CFAP299: variants seen among roughly 807,000 people sequenced by gnomAD.
The protein encoded by CFAP299 is cilia- and flagella-associated protein 299.
In CFAP299, 21 loss-of-function variants were observed where a neutral mutation model predicts 27.0. The observed-to-expected ratio is 0.78, with a 90% CI of 0.55 to 1.12. The LOEUF (loss-of-function observed/expected upper bound fraction) is 1.12, where lower values mean the gene tolerates loss of function less well. Ranked by LOEUF, CFAP299 falls within the 50% of genes most tolerant of loss-of-function variation. The pLI is 0.00. For synonymous variants in CFAP299, 104 were observed against 98.1 expected, an observed-to-expected ratio of 1.06 and a Z score of -0.36; for missense variants, 310 against 276.6, an observed-to-expected ratio of 1.12 and a Z score of -0.86.
At chr4:80,483,129 G>A (rs1449810849) in intron 2 of CFAP299, among the ~76,000 whole-genome samples, 3 of 152,204 alleles carry the variant, frequency 2.0e-5, no homozygotes, top group Admixed American at 6.5e-5. Context: ...GGTGGAGGAG[G>A]GGGGCAGAAA....
chr4:80,704,920 T>C (rs1191580923), intron 3 of CFAP299, among the ~76,000 whole-genome samples: 5 of 151,770 alleles, frequency 3.3e-5, no homozygotes, highest in Non-Finnish European at 5.9e-5. Flanking sequence ...ATTTCAGATA[T>C]GATAATAGAA....
At chr4:80,941,414 C>T (rs192116437) in intron 4 of CFAP299, among the ~76,000 whole-genome samples, 60 of 152,094 alleles carry the variant, frequency 3.9e-4, no homozygotes, top group Admixed American at 3.2e-3. Context: ...TTGTAGAAAC[C>T]GTAATTACAG....
intron 3 of CFAP299, among the ~76,000 whole-genome samples, chr4:80,629,596 T>C (rs1339659404): frequency 2.6e-5 from 4 of 152,006 alleles, no homozygotes; most frequent in Non-Finnish European, 5.9e-5. Context: ...TTATAAAAAA[T>C]TGGCCAAGTG....
intron 3 of CFAP299, among the ~76,000 whole-genome samples, chr4:80,629,408 G>C (rs529125197): frequency 6.6e-6 from 1 of 152,168 alleles, no homozygotes; most frequent in South Asian, 2.1e-4. Flanking sequence ...CTTGGTGACT[G>C]TAGTTTATAA....
intron 3 of CFAP299, among the ~76,000 whole-genome samples, chr4:80,738,072 T>C (rs1257662143): frequency 6.6e-6 from 1 of 152,168 alleles, no homozygotes; most frequent in Non-Finnish European, 1.5e-5. Context: ...CTAGTTTTAT[T>C]CCATTGTGGT....
At chr4:80,590,569 G>T (rs540230650) in intron 3 of CFAP299, among the ~76,000 whole-genome samples, 77 of 152,180 alleles carry the variant, frequency 5.1e-4, no homozygotes, top group African/African-American at 1.8e-3. Flanking sequence ...CCCGGGAGGC[G>T]GAGGTTGCAG....
chr4:80,961,276 A>G (rs1738331964), intron 5 of CFAP299, among the ~76,000 whole-genome samples: 1 of 151,728 alleles, frequency 6.6e-6, no homozygotes, highest in African/African-American at 2.4e-5. Context: ...TTTATATTAA[A>G]CCTAACACTG....
chr4:80,710,710 C>T (rs1362916073), intron 3 of CFAP299, among the ~76,000 whole-genome samples: 1 of 151,938 alleles, frequency 6.6e-6, no homozygotes, highest in Non-Finnish European at 1.5e-5. Context: ...TCACTTACTT[C>T]AGCCCTGACA....
intron 2 of CFAP299, among the ~76,000 whole-genome samples, chr4:80,564,101 A>G (rs1735168145): frequency 6.6e-6 from 1 of 152,052 alleles, no homozygotes; most frequent in South Asian, 2.1e-4. Flanking sequence ...TCTCACAAAC[A>G]TTTAAGAAGA....
At chr4:80,520,964 A>G (rs1010027443) in intron 2 of CFAP299, among the ~76,000 whole-genome samples, 1 of 152,206 alleles carries the variant, frequency 6.6e-6, no homozygotes, top group East Asian at 1.9e-4. Context: ...TTTACAGAGT[A>G]CATGGTGGGG....
intron 2 of CFAP299, chr4:80,387,090 T>A (rs977825722): frequency 1.4e-6 from 2 of 1,446,580 alleles, no homozygotes; most frequent in African/African-American, 2.8e-5. Context: ...GGTCTGCAGG[T>A]GATGCTCCAG....
chr4:80,511,639 A>G (rs1331227446), intron 2 of CFAP299, among the ~76,000 whole-genome samples: 3 of 152,164 alleles, frequency 2.0e-5, no homozygotes, highest in East Asian at 3.9e-4. Flanking sequence ...ACCATTACAC[A>G]CACTTAAGAT....
At chr4:80,829,305 G>A (rs1387052082) in intron 3 of CFAP299, among the ~76,000 whole-genome samples, 1 of 151,902 alleles carries the variant, frequency 6.6e-6, no homozygotes, top group Non-Finnish European at 1.5e-5. Flanking sequence ...TACAGGAATG[G>A]ATAATGAACA....
At chr4:80,527,690 T>C (rs1424090290) in intron 2 of CFAP299, among the ~76,000 whole-genome samples, 1 of 152,144 alleles carries the variant, frequency 6.6e-6, no homozygotes, top group Non-Finnish European at 1.5e-5. Flanking sequence ...ACCTTTATAC[T>C]TCTATTTATG....
intron 2 of CFAP299, among the ~76,000 whole-genome samples, chr4:80,416,370 G>T (rs1727005226): frequency 6.6e-6 from 1 of 151,948 alleles, no homozygotes; most frequent in African/African-American, 2.4e-5. Context: ...ATTTTGTTAG[G>T]TTTTCACAAA....
chr4:80,589,859 A>G (rs1736633466), intron 3 of CFAP299, among the ~76,000 whole-genome samples: 1 of 152,226 alleles, frequency 6.6e-6, no homozygotes, highest in Non-Finnish European at 1.5e-5. Flanking sequence ...GTACATTGTT[A>G]GGCAACTTTA....
chr4:80,702,208 C>T (rs921295409), intron 3 of CFAP299, among the ~76,000 whole-genome samples: 2 of 151,644 alleles, frequency 1.3e-5, no homozygotes, highest in African/African-American at 4.8e-5. Context: ...TTCTCATTAC[C>T]TACTTTAACA....
chr4:80,726,401 TA>T (rs1560719569), intron 3 of CFAP299, among the ~76,000 whole-genome samples: 1 of 152,116 alleles, frequency 6.6e-6, no homozygotes, highest in East Asian at 1.9e-4. Context: ...TTTAAACTGT[TA>T]AAAGAAAGAA....
chr4:80,499,427 C>T (rs534292459), intron 2 of CFAP299, among the ~76,000 whole-genome samples: 14 of 152,060 alleles, frequency 9.2e-5, no homozygotes, highest in Non-Finnish European at 1.6e-4. Flanking sequence ...CTTTTTATAA[C>T]ACTGACAGAT....
Sources: gnomAD v4.1 joint callset for allele counts (sites outside exome capture counted in the v4.1 genomes callset) on GRCh38, gnomAD v4.1.1 for gene constraint, MANE v1.5 for transcripts, NCBI Gene and HGNC (gene_info 2026-07-23, HGNC 2026-07-21) for gene names.